Variants in SCAMP1 observed in about 807,000 individuals in gnomAD.
SCAMP1 encodes secretory carrier membrane protein 1, also known as secretory carrier-associated membrane protein 1.
Under a neutral mutation model 41.8 loss-of-function variants are expected in SCAMP1, and 15 were observed. The observed-to-expected ratio is 0.36, with a 90% confidence interval of 0.24 to 0.55. The LOEUF (loss-of-function observed/expected upper bound fraction) is 0.55. SCAMP1 is among the 20% of genes least tolerant of loss of function. SCAMP1 has a pLI of 0.86. For synonymous variants in SCAMP1, 135 were observed against 136.8 expected, an observed-to-expected ratio of 0.99 and a Z score of 0.09; for missense variants, 341 against 412.6, an observed-to-expected ratio of 0.83 and a Z score of 1.50.
intron 2 of SCAMP1, among the ~76,000 whole-genome samples, chr5:78,395,855 A>C (rs572706810): frequency 6.6e-6 from 1 of 152,332 alleles, no homozygotes; most frequent in South Asian, 2.1e-4. Context: ...AACGTAATCA[A>C]AGGAGTGACA....
intron 7 of SCAMP1, among the ~76,000 whole-genome samples, chr5:78,450,537 C>A (rs1389511034): frequency 1.3e-5 from 2 of 152,174 alleles, no homozygotes; most frequent in African/African-American, 4.8e-5. Context: ...ATTCTCATGG[C>A]TCATTCAGTG....
chr5:78,361,141 G>A (rs938861731), intron 1 of SCAMP1: 1 of 186,340 alleles, frequency 5.4e-6, no homozygotes, highest in African/African-American at 2.4e-5. Context: ...GGGTTGTCAT[G>A]GGGACCCGAG....
intron 2 of SCAMP1, among the ~76,000 whole-genome samples, chr5:78,396,951 C>CT (rs1751666763): frequency 6.6e-6 from 1 of 152,122 alleles, no homozygotes; most frequent in African/African-American, 2.4e-5. Flanking sequence ...ACTAAAGTAT[C>CT]TTTAAGAAGA....
At chr5:78,409,563 T>C (rs556159093) in intron 2 of SCAMP1, among the ~76,000 whole-genome samples, 3 of 152,296 alleles carry the variant, frequency 2.0e-5, no homozygotes, top group African/African-American at 4.8e-5. Flanking sequence ...CTACTTGGCT[T>C]GAGTTGGCTA....
chr5:78,476,881 A>G lies in SCAMP1; in HGVS notation c.*1213A>G, dbSNP rs1430030744. On this transcript the variant is annotated 3_prime_UTR_variant, in exon 9 of 9. Transcript: ENST00000621999. Reference sequence around the variant, plus strand: ...ACTGCATTAAGATAATCACGTTAAAATTGTTACTATGCAGCACAGAACTTC... The same window carrying G: ...ACTGCATTAAGATAATCACGTTAAAGTTGTTACTATGCAGCACAGAACTTC... The G allele has an allele frequency of 6.6e-6, 1 of 152,214 alleles. No individual in the cohort carries two copies. The highest frequency in any genetic ancestry group is 1.5e-5 in the Non-Finnish European group (1 of 67,972). 9.4% of individuals were successfully genotyped at this position (152,214 alleles called of 1,614,324 possible). A position where few individuals can be genotyped will look rare whatever the true frequency, so the allele number is the denominator to read the frequency against.
intron 2 of SCAMP1, among the ~76,000 whole-genome samples, chr5:78,414,640 A>G (rs1213027215): frequency 6.6e-6 from 1 of 152,110 alleles, no homozygotes; most frequent in African/African-American, 2.4e-5. Context: ...ATTTATTCTC[A>G]TGGCTGCATT....
chr5:78,376,420 G>A (rs1751066730), intron 1 of SCAMP1, among the ~76,000 whole-genome samples: 1 of 152,166 alleles, frequency 6.6e-6, no homozygotes, highest in South Asian at 2.1e-4. Flanking sequence ...TCTATAAAAT[G>A]CATTACTACA....
At chr5:78,456,683 G>C (rs1391814489) in intron 7 of SCAMP1, among the ~76,000 whole-genome samples, 1 of 150,974 alleles carries the variant, frequency 6.6e-6, no homozygotes, top group Non-Finnish European at 1.5e-5. Flanking sequence ...TCTTCTTGAG[G>C]AGTATCTTTG....
At chr5:78,410,738 G>T (rs976109125) in intron 2 of SCAMP1, among the ~76,000 whole-genome samples, 23 of 152,168 alleles carry the variant, frequency 1.5e-4, no homozygotes, top group African/African-American at 5.6e-4. Context: ...TTCCACAGTG[G>T]TTGAACTAAT....
intron 2 of SCAMP1, among the ~76,000 whole-genome samples, chr5:78,414,671 A>T (rs115245256): frequency 0.02 from 3,034 of 152,300 alleles, 50 homozygotes; most frequent in Non-Finnish European, 0.034. Flanking sequence ...ACAGTAATTT[A>T]ACCAATCCCC....
chr5:78,400,034 GC>G (rs1561261023), intron 2 of SCAMP1, among the ~76,000 whole-genome samples: 1 of 152,128 alleles, frequency 6.6e-6, no homozygotes, highest in Non-Finnish European at 1.5e-5. Context: ...AAGGAATTCT[GC>G]CTTGGCCTCC....
chr5:78,440,068 G>A (rs1752878902), intron 6 of SCAMP1, among the ~76,000 whole-genome samples: 1 of 152,052 alleles, frequency 6.6e-6, no homozygotes. Flanking sequence ...GTCCTTTTAA[G>A]GTCTTCTCTA....
chr5:78,459,980 TC>T (rs1170193238), intron 8 of SCAMP1, among the ~76,000 whole-genome samples: 4 of 152,174 alleles, frequency 2.6e-5, no homozygotes, highest in African/African-American at 9.7e-5. Flanking sequence ...TTTGTTTAGC[TC>T]CCACTTCTAA....
chr5:78,389,336 A>G (rs1374436921), intron 2 of SCAMP1, among the ~76,000 whole-genome samples: 1 of 152,214 alleles, frequency 6.6e-6, no homozygotes, highest in Non-Finnish European at 1.5e-5. Context: ...ATTATTCTGA[A>G]TAGTACTAGC....
intron 1 of SCAMP1, among the ~76,000 whole-genome samples, chr5:78,383,407 T>G (rs1751259203): frequency 6.6e-6 from 1 of 152,216 alleles, no homozygotes; most frequent in South Asian, 2.1e-4. Flanking sequence ...TGATTATTTC[T>G]TTTGCTGTGC....
chr5:78,381,805 G>T (rs1255072277), intron 1 of SCAMP1, among the ~76,000 whole-genome samples: 1 of 152,186 alleles, frequency 6.6e-6, no homozygotes, highest in Non-Finnish European at 1.5e-5. Context: ...AAGGGAGAAA[G>T]ATGTTTCTCA....
chr5:78,429,364 A>ATTT (rs35131102), intron 6 of SCAMP1, among the ~76,000 whole-genome samples: 1 of 136,504 alleles, frequency 7.3e-6, no homozygotes. Context: ...TTTTTTTTTA[A>ATTT]TTTTTTTTTA....
intron 6 of SCAMP1, among the ~76,000 whole-genome samples, chr5:78,434,567 CCTT>C (rs1380576411): frequency 6.6e-6 from 1 of 151,674 alleles, no homozygotes. Context: ...TTTTCCTCCT[CCTT>C]CTTCAGAAGT....
intron 8 of SCAMP1, among the ~76,000 whole-genome samples, chr5:78,463,419 C>G (rs1157154950): frequency 6.6e-6 from 1 of 152,170 alleles, no homozygotes; most frequent in Non-Finnish European, 1.5e-5. Flanking sequence ...ATTTCAGTTT[C>G]TTCTCTACCT....
Sources: gnomAD v4.1 joint callset for allele counts (sites outside exome capture counted in the v4.1 genomes callset) on GRCh38, gnomAD v4.1.1 for gene constraint, MANE v1.5 for transcripts, NCBI Gene and HGNC (gene_info 2026-07-23, HGNC 2026-07-21) for gene names.